The following ARHGEF3 variants were observed in gnomAD, a reference collection of about 807,000 sequenced individuals.
ARHGEF3 encodes the protein 59.8 kDA protein.
Under a neutral mutation model 63.2 loss-of-function variants are expected in ARHGEF3, and 28 were observed. The observed-to-expected ratio is 0.44, with a 90% CI of 0.33 to 0.61. The LOEUF (loss-of-function observed/expected upper bound fraction) is 0.61, where lower values mean the gene tolerates loss of function less well. Among genes scored for constraint, ARHGEF3 ranks in the 20% least tolerant of loss-of-function variants. ARHGEF3 has a pLI of 0.03. For synonymous variants in ARHGEF3, 266 were observed against 254.2 expected (o/e 1.05, Z -0.44); for missense variants, 533 against 659.3 (o/e 0.81, Z 2.10).
intron 2 of ARHGEF3, chr3:56,975,671 G>A: frequency 3.3e-6 from 1 of 302,006 alleles, no homozygotes. Context: ...AGGCAATCTG[G>A]CTCTAGAGTT....
chr3:56,996,852 G>A (rs1388598876), intron 2 of ARHGEF3, among the ~76,000 whole-genome samples: 1 of 149,200 alleles, frequency 6.7e-6, no homozygotes, highest in South Asian at 2.1e-4. Context: ...ACACAAATTC[G>A]GAAACTTTCT....
chr3:56,886,188 G>T (rs1042866069), intron 3 of ARHGEF3, among the ~76,000 whole-genome samples: 7 of 152,196 alleles, frequency 4.6e-5, no homozygotes, highest in Non-Finnish European at 1.0e-4. Flanking sequence ...TCTGGGTTTT[G>T]GTTGACCTTT....
At chr3:56,927,742 T>A (rs1012025030) in intron 3 of ARHGEF3, among the ~76,000 whole-genome samples, 2 of 151,914 alleles carry the variant, frequency 1.3e-5, no homozygotes, top group African/African-American at 4.8e-5. Context: ...AGCTGCAGAG[T>A]TGGGAAAGTC....
intron 2 of ARHGEF3, among the ~76,000 whole-genome samples, chr3:56,973,863 G>A (rs1183669502): frequency 1.3e-5 from 2 of 152,282 alleles, no homozygotes; most frequent in East Asian, 1.9e-4. Context: ...TCAGTCCACC[G>A]AAGTCATTAA....
chr3:56,838,852 G>C (rs1875285), intron 4 of ARHGEF3, among the ~76,000 whole-genome samples: 130,209 of 152,190 alleles, frequency 0.86, 55,809 homozygotes, highest in East Asian at 0.97. Flanking sequence ...TAACCTGGCC[G>C]GGTGCAGTGG....
At chr3:57,020,197 G>A (rs149566736) in intron 2 of ARHGEF3, among the ~76,000 whole-genome samples, 222 of 152,192 alleles carry the variant, frequency 1.5e-3, no homozygotes, top group Middle Eastern at 6.9e-3. Context: ...TAATTTAGTG[G>A]AGCAAATAAA....
At chr3:57,009,145 C>G (rs895673634) in intron 2 of ARHGEF3, among the ~76,000 whole-genome samples, 1 of 152,242 alleles carries the variant, frequency 6.6e-6, no homozygotes, top group Non-Finnish European at 1.5e-5. Flanking sequence ...GTTTGAGGCT[C>G]CCATTCTGAG....
chr3:56,927,709 G>A (rs1482445575), intron 3 of ARHGEF3, among the ~76,000 whole-genome samples: 1 of 152,130 alleles, frequency 6.6e-6, no homozygotes, highest in African/African-American at 2.4e-5. Flanking sequence ...TGCTAGGCCA[G>A]AGTCCAGGTG....
intron 4 of ARHGEF3, among the ~76,000 whole-genome samples, chr3:56,865,312 G>A (rs2040206743): frequency 6.6e-6 from 1 of 152,218 alleles, no homozygotes; most frequent in Admixed American, 6.5e-5. Context: ...TGGTTAGAAA[G>A]GAGAATGATT....
chr3:56,790,261 C>G (rs983446602), intron 1 of ARHGEF3, among the ~76,000 whole-genome samples: 2 of 152,204 alleles, frequency 1.3e-5, no homozygotes, highest in Admixed American at 1.3e-4. Flanking sequence ...CATTCAGAGA[C>G]TAATAAGAGA....
intron 2 of ARHGEF3, among the ~76,000 whole-genome samples, chr3:56,975,194 G>C (rs963615726): frequency 6.6e-6 from 1 of 152,132 alleles, no homozygotes; most frequent in Non-Finnish European, 1.5e-5. Flanking sequence ...GAGGCAGGCG[G>C]ATCATTTGAG....
intron 4 of ARHGEF3, among the ~76,000 whole-genome samples, chr3:56,872,660 C>A (rs1240551871): frequency 2.6e-5 from 4 of 152,084 alleles, no homozygotes; most frequent in Non-Finnish European, 5.9e-5. Flanking sequence ...CAGGCATGCA[C>A]CCCCAAGCCC....
At chr3:56,973,553 T>G (rs1193386216) in intron 2 of ARHGEF3, among the ~76,000 whole-genome samples, 1 of 152,088 alleles carries the variant, frequency 6.6e-6, no homozygotes, top group Non-Finnish European at 1.5e-5. Context: ...ATAAGGAGAC[T>G]ATTTTCAGAA....
At chr3:56,846,354 T>C (rs2039490578) in intron 4 of ARHGEF3, among the ~76,000 whole-genome samples, 2 of 152,198 alleles carry the variant, frequency 1.3e-5, no homozygotes, top group South Asian at 4.1e-4. Flanking sequence ...CATGGTCTTA[T>C]AGCTCAGGGA....
chr3:56,820,673 T>C (rs1047911863), intron 4 of ARHGEF3, among the ~76,000 whole-genome samples: 1 of 152,068 alleles, frequency 6.6e-6, no homozygotes, highest in Non-Finnish European at 1.5e-5. Context: ...GAGTGGACCA[T>C]GTTGGGATAC....
chr3:56,844,507 A>G (rs146535083), intron 4 of ARHGEF3, among the ~76,000 whole-genome samples: 93 of 152,344 alleles, frequency 6.1e-4, no homozygotes, highest in African/African-American at 2.2e-3. Context: ...AGAAGATAAT[A>G]TTTAATAAAA....
At chr3:56,729,702 T>C (rs1187896255) in intron 9 of ARHGEF3, 80 bp from the exon 10 acceptor site, 6 of 1,187,056 alleles carry the variant, frequency 5.1e-6, no homozygotes, top group African/African-American at 3.1e-5. Context: ...GTAGTGACAC[T>C]AAACCCCAGA....
intron 1 of ARHGEF3, among the ~76,000 whole-genome samples, chr3:57,048,268 G>A (rs1011747811): frequency 2.6e-5 from 4 of 152,156 alleles, no homozygotes; most frequent in Non-Finnish European, 5.9e-5. Context: ...AATGAGGAAT[G>A]AGCATTATGG....
intron 2 of ARHGEF3, among the ~76,000 whole-genome samples, chr3:56,985,489 G>A (rs1361696587): frequency 2.0e-5 from 3 of 152,230 alleles, no homozygotes; most frequent in Non-Finnish European, 4.4e-5. Flanking sequence ...CATTGCACTC[G>A]CTACAGGGCG....
Sources: gnomAD v4.1 joint callset for allele counts (sites outside exome capture counted in the v4.1 genomes callset) on GRCh38, gnomAD v4.1.1 for gene constraint, MANE v1.5 for transcripts, NCBI Gene and HGNC (gene_info 2026-07-23, HGNC 2026-07-21) for gene names.